The following CRPPA variants were observed in gnomAD, a reference collection of about 807,000 sequenced individuals.
CRPPA encodes the protein D-ribitol-5-phosphate cytidylyltransferase.
CRPPA carries 43 observed loss-of-function variants against 52.0 expected under a neutral mutation model. The observed-to-expected ratio is 0.83, with a 90% CI of 0.65 to 1.07. The LOEUF (loss-of-function observed/expected upper bound fraction) is 1.07. Among genes scored for constraint, CRPPA ranks in the 50% least tolerant of loss-of-function variants. The pLI, the probability that CRPPA is intolerant of heterozygous loss-of-function variation, is 0.00. For synonymous variants in CRPPA, 250 were observed against 203.5 expected, an observed-to-expected ratio of 1.23 and a Z score of -1.94; for missense variants, 629 against 551.7, an observed-to-expected ratio of 1.14 and a Z score of -1.40.
intron 8 of CRPPA, among the ~76,000 whole-genome samples, chr7:16,247,178 A>G (rs1429387266): frequency 2.6e-5 from 4 of 152,244 alleles, no homozygotes; most frequent in Non-Finnish European, 5.9e-5. Context: ...TTTAAACCAC[A>G]TGAATAAACT....
intron 2 of CRPPA, among the ~76,000 whole-genome samples, chr7:16,395,493 T>C (rs547105435): frequency 1.8e-4 from 28 of 152,250 alleles, no homozygotes; most frequent in Non-Finnish European, 2.9e-4. Context: ...TCTCTAAAGC[T>C]AATCATTGGG....
chr7:16,092,952 C>T (rs189537889), intron 9 of CRPPA, among the ~76,000 whole-genome samples: 142 of 152,246 alleles, frequency 9.3e-4, no homozygotes, highest in Non-Finnish European at 1.7e-3. Context: ...AAAGCTTTCC[C>T]ACACCCTTTC....
intron 9 of CRPPA, chr7:16,208,907 G>T (rs1359576796): frequency 2.1e-5 from 6 of 282,876 alleles, no homozygotes; most frequent in Admixed American, 1.5e-4. Context: ...TGAATAGAAA[G>T]ATTTGAGTCT....
At chr7:16,137,545 C>T (rs1782784979) in intron 9 of CRPPA, among the ~76,000 whole-genome samples, 1 of 152,126 alleles carries the variant, frequency 6.6e-6, no homozygotes, top group African/African-American at 2.4e-5. Flanking sequence ...AGGCAGCATT[C>T]AAAATTAAAC....
At chr7:16,259,624 T>C (rs543175482) in intron 6 of CRPPA, among the ~76,000 whole-genome samples, 1 of 152,116 alleles carries the variant, frequency 6.6e-6, no homozygotes, top group South Asian at 2.1e-4. Flanking sequence ...TTATTCCATA[T>C]AGTTTAATAT....
At position 16,315,284 on chromosome 7, in the gene CRPPA, C is replaced by A. The variant is rs774568248; in HGVS notation, c.685-6657G>T. On this transcript the variant is annotated intron_variant, in intron 3 of 9. Transcript: ENST00000407010. ...TGTTCTTGTTGCTATCTACTTTAAC[C>A]ATGAGAGTCCTTGTCATATTAATCA... 2.6e-5 allele frequency among the ~76,000 whole-genome samples: 4 copies of A among 152,238 alleles called. No homozygotes were observed. In the South Asian group the frequency reaches 8.3e-4, roughly 32 times the overall value.
chr7:16,263,676 T>A (rs1041780629), intron 6 of CRPPA, among the ~76,000 whole-genome samples: 2 of 151,862 alleles, frequency 1.3e-5, no homozygotes, highest in African/African-American at 4.8e-5. Context: ...TGCTTGAACC[T>A]GGGAGGCAGA....
chr7:16,325,088 A>C (rs987734559), intron 3 of CRPPA, among the ~76,000 whole-genome samples: 1 of 152,212 alleles, frequency 6.6e-6, no homozygotes, highest in Non-Finnish European at 1.5e-5. Context: ...AACACATTTC[A>C]AAACTAAGCA....
intron 9 of CRPPA, among the ~76,000 whole-genome samples, chr7:16,177,102 A>C (rs898707250): frequency 1.9e-4 from 29 of 152,190 alleles, no homozygotes; most frequent in African/African-American, 6.5e-4. Context: ...TGAAAAGCCA[A>C]AACTATAATG....
At chr7:16,282,045 A>G (rs1223620621) in intron 5 of CRPPA, among the ~76,000 whole-genome samples, 1 of 152,078 alleles carries the variant, frequency 6.6e-6, no homozygotes, top group East Asian at 1.9e-4. Flanking sequence ...TTTCTAGTTT[A>G]TGAGTTCTTA....
intron 5 of CRPPA, among the ~76,000 whole-genome samples, chr7:16,280,458 A>G (rs1784298805): frequency 6.6e-6 from 1 of 152,220 alleles, no homozygotes; most frequent in Admixed American, 6.5e-5. Context: ...AAACATTAGG[A>G]CAATCAAGAA....
At chr7:16,269,029 T>C (rs1023804435) in intron 6 of CRPPA, 1 of 152,210 alleles carries the variant, frequency 6.6e-6, no homozygotes, top group Non-Finnish European at 1.5e-5. Flanking sequence ...TCTCAACTGT[T>C]CCGATGATTG....
At chr7:16,112,667 G>A (rs115483613) in intron 9 of CRPPA, among the ~76,000 whole-genome samples, 1 of 152,092 alleles carries the variant, frequency 6.6e-6, no homozygotes, top group Admixed American at 6.6e-5. Flanking sequence ...CTATGTGCAA[G>A]GACTTTGAAA....
intron 2 of CRPPA, among the ~76,000 whole-genome samples, chr7:16,400,713 G>C (rs1036855265): frequency 6.6e-6 from 1 of 152,136 alleles, no homozygotes; most frequent in African/African-American, 2.4e-5. Context: ...CACGTTACAC[G>C]TTTGTGACAC....
At chr7:16,156,632 T>A (rs1384118369) in intron 9 of CRPPA, among the ~76,000 whole-genome samples, 1 of 152,146 alleles carries the variant, frequency 6.6e-6, no homozygotes, top group Non-Finnish European at 1.5e-5. Flanking sequence ...AAATAATAGG[T>A]CTACATCTAA....
intron 2 of CRPPA, among the ~76,000 whole-genome samples, chr7:16,402,699 T>TA (rs10711388): frequency 0.016 from 2,351 of 143,212 alleles, 54 homozygotes; most frequent in African/African-American, 0.055. Flanking sequence ...TAGACAGAGC[T>TA]AAAAAAAAAA....
chr7:16,387,080 TATATATACAC>T (rs1363887090), intron 2 of CRPPA, among the ~76,000 whole-genome samples: 616 of 36,302 alleles, frequency 0.017, 17 homozygotes, highest in South Asian at 0.073. Context: ...TATATATATA[TATATATACAC>T]ACATATATAT....
At chr7:16,148,305 G>C (rs1002072909) in intron 9 of CRPPA, among the ~76,000 whole-genome samples, 2 of 151,988 alleles carry the variant, frequency 1.3e-5, no homozygotes, top group South Asian at 2.1e-4. Context: ...CCAAAAGAAA[G>C]GAAATCAGTA....
chr7:16,132,069 TG>T (rs1386546867), intron 9 of CRPPA, among the ~76,000 whole-genome samples: 2 of 151,956 alleles, frequency 1.3e-5, no homozygotes, highest in Non-Finnish European at 2.9e-5. Flanking sequence ...CCGAGAGCCT[TG>T]GGGAACCACC....
Sources: gnomAD v4.1 joint callset for allele counts (sites outside exome capture counted in the v4.1 genomes callset) on GRCh38, gnomAD v4.1.1 for gene constraint, MANE v1.5 for transcripts, NCBI Gene and HGNC (gene_info 2026-07-23, HGNC 2026-07-21) for gene names.